The following DNAH11 variants were observed in gnomAD, a reference collection of about 807,000 sequenced individuals.
DNAH11 encodes the protein dynein axonemal heavy chain 11, also known as axonemal beta dynein heavy chain 11.
Under a neutral mutation model 526.0 loss-of-function variants are expected in DNAH11, and 442 were observed. That is an observed-to-expected ratio of 0.84 (90% CI 0.78 to 0.91). DNAH11 has a LOEUF of 0.91. DNAH11 is among the 40% of genes least tolerant of loss of function. The pLI, the probability that DNAH11 is intolerant of heterozygous loss-of-function variation, is 0.00. For missense variants in DNAH11, 6,989 were observed against 5,448.7 expected (o/e 1.28, Z -8.90); for synonymous variants, 2,461 against 1,935.9 (o/e 1.27, Z -7.12).
At chr7:21,855,658 TTG>T (rs1247016246) in intron 68 of DNAH11, among the ~76,000 whole-genome samples, 1 of 152,200 alleles carries the variant, frequency 6.6e-6, no homozygotes, top group Non-Finnish European at 1.5e-5. Context: ...GCTCCATACC[TTG>T]TACCATGCTG....
At chr7:21,899,280 G>A in intron 79 of DNAH11, 56 bp from the exon 80 acceptor site, 2 of 1,416,098 alleles carry the variant, frequency 1.4e-6, no homozygotes, top group Non-Finnish European at 2.0e-6. Context: ...AGAACATACT[G>A]GAAAATGGCT....
In DNAH11 at chr7:21,588,540, A is replaced by G. The variant is rs756297015; in HGVS notation, c.1877A>G (p.Lys626Arg). The change falls in exon 11 of 82, where the codon AAG (lysine) becomes AGG (arginine). Residue 626 changes from lysine (K) to arginine (R), a missense_variant. By Grantham distance (26) the Lys-to-Arg change is conservative (BLOSUM62 2). Coordinates refer to ENST00000409508, the MANE Select transcript of DNAH11 (RefSeq NM_001277115.2). ...GAATGTGGTCATGTAGTTCTTAACA[A>G]GAACATGCCATTTACCTCAGGAAAT... Reference protein sequence around the residue: ...QIECGHVVLNKNMPFTSGNMK... With the variant: ...QIECGHVVLNRNMPFTSGNMK... The G allele has an allele frequency of 6.2e-7, 1 of 1,613,820 alleles. No individual in the cohort carries two copies. Among genetic ancestry groups the G allele is most frequent in the Non-Finnish European group, 8.5e-7 (1 of 1,179,708 alleles).
At chr7:21,833,993 A>G (rs1781890850) in intron 65 of DNAH11, among the ~76,000 whole-genome samples, 1 of 152,220 alleles carries the variant, frequency 6.6e-6, no homozygotes, top group Non-Finnish European at 1.5e-5. Flanking sequence ...CACACTCTAG[A>G]CCAAATGGAC....
intron 81 of DNAH11, 134 bp from the exon 82 acceptor site, chr7:21,900,873 G>A (rs1583829271): frequency 7.0e-7 from 1 of 1,435,420 alleles, no homozygotes; most frequent in East Asian, 2.3e-5. Flanking sequence ...GGCCAGCTCA[G>A]TAAAAATACC....
chr7:21,712,009 T>C (rs970364415), intron 42 of DNAH11, 149 bp downstream of exon 42: 1 of 962,994 alleles, frequency 1.0e-6, no homozygotes, highest in Non-Finnish European at 1.5e-6. Flanking sequence ...AAAGTGACAC[T>C]CTTTATCCAT....
chr7:21,680,086 T>C (rs1298253751), intron 30 of DNAH11, among the ~76,000 whole-genome samples: 2 of 152,230 alleles, frequency 1.3e-5, no homozygotes, highest in Admixed American at 1.3e-4. Context: ...TACAGTTATC[T>C]CTTCCTCCCT....
intron 20 of DNAH11, among the ~76,000 whole-genome samples, chr7:21,609,024 C>G (rs571221957): frequency 3.9e-5 from 6 of 152,232 alleles, no homozygotes; most frequent in African/African-American, 1.4e-4. Flanking sequence ...GAAGGCATCT[C>G]AGTCCACAAG....
chr7:21,653,925 C>T (rs1781896549), intron 28 of DNAH11, among the ~76,000 whole-genome samples: 1 of 152,160 alleles, frequency 6.6e-6, no homozygotes, highest in African/African-American at 2.4e-5. Flanking sequence ...AAAATTTAGG[C>T]AGGTTGCTAT....
intron 8 of DNAH11, among the ~76,000 whole-genome samples, chr7:21,574,363 G>A (rs55653143): frequency 0.05 from 7,666 of 152,156 alleles, 645 homozygotes; most frequent in African/African-American, 0.17. Flanking sequence ...GATGCCAGGC[G>A]TTGTGCCAGA....
At chr7:21,885,433 G>C (rs952437470) in intron 76 of DNAH11, among the ~76,000 whole-genome samples, 4 of 151,842 alleles carry the variant, frequency 2.6e-5, no homozygotes, top group South Asian at 4.2e-4. Context: ...ATGGTGAATA[G>C]AACAGTGGTT....
chr7:21,643,879 A>G (rs575789602), intron 28 of DNAH11, among the ~76,000 whole-genome samples: 9 of 152,212 alleles, frequency 5.9e-5, no homozygotes, highest in Non-Finnish European at 1.2e-4. Context: ...GATATACTGG[A>G]TTAAATATAC....
chr7:21,563,922 C>G (rs1453750441), intron 5 of DNAH11, among the ~76,000 whole-genome samples: 1 of 152,068 alleles, frequency 6.6e-6, no homozygotes, highest in African/African-American at 2.4e-5. Flanking sequence ...GGTATTTTCC[C>G]CTTGGGTTTT....
intron 63 of DNAH11, among the ~76,000 whole-genome samples, chr7:21,810,683 C>T (rs1458609458): frequency 6.6e-6 from 1 of 152,042 alleles, no homozygotes; most frequent in Non-Finnish European, 1.5e-5. Flanking sequence ...CATCAGAATA[C>T]TCAAAGTCTA....
chr7:21,591,593 C>A lies in DNAH11; in HGVS notation c.2667+16C>A, dbSNP rs755769721. 1.3e-6 allele frequency: 2 copies of A among 1,508,978 alleles called. No homozygotes were observed. Among genetic ancestry groups the A allele is most frequent in the Non-Finnish European group, 1.8e-6 (2 of 1,128,820 alleles). The allele number at this position is 1,508,978 out of a possible 1,614,324, so 93.5% of individuals were successfully genotyped here. A position where few individuals can be genotyped will look rare whatever the true frequency, so the allele number is the denominator to read the frequency against. ...CTTGGTCGAGGTAATGGCTTTTAAC[C>A]TTTCAAGATTTATAGATCTTTTCAT... On this transcript the variant is annotated intron_variant, in intron 14 of 81. Coordinates refer to ENST00000409508, the MANE Select transcript of DNAH11 (RefSeq NM_001277115.2).
intron 75 of DNAH11, among the ~76,000 whole-genome samples, chr7:21,883,854 A>C (rs1411425220): frequency 2.0e-5 from 3 of 152,144 alleles, no homozygotes; most frequent in African/African-American, 7.2e-5. Flanking sequence ...CAACCTGGAC[A>C]CCATAGTGAG....
At chr7:21,603,895 C>T (rs2177519) in intron 18 of DNAH11, among the ~76,000 whole-genome samples, 26,433 of 152,072 alleles carry the variant, frequency 0.17, 2,738 homozygotes, top group East Asian at 0.49. Context: ...TTGGTTCACT[C>T]TTTCGGGTGA....
In DNAH11 at chr7:21,742,067, A is replaced by C. The variant is rs1264726204; in HGVS notation, c.8055A>C (p.Ala2685=). 6.2e-7 allele frequency: 1 copy of C among 1,613,868 alleles called. No individual in the cohort carries two copies. Among genetic ancestry groups the C allele is most frequent in the Non-Finnish European group, 8.5e-7 (1 of 1,179,874 alleles). Reference sequence around the variant, plus strand: ...GGAGTGGCCCCACTTTGATCCAGGCAACAATAGCATTCCATCAGACAATGA... The same window carrying C: ...GGAGTGGCCCCACTTTGATCCAGGCCACAATAGCATTCCATCAGACAATGA... ...ILRSGPTLIQ[A]TIAFHQTMMC... The change falls in exon 49 of 82, where the codon GCA becomes GCC. Residue 2685 remains alanine, a synonymous_variant. Transcript: ENST00000409508.
chr7:21,874,586 T>G (rs1395669306), intron 74 of DNAH11, among the ~76,000 whole-genome samples: 2 of 152,146 alleles, frequency 1.3e-5, no homozygotes, highest in South Asian at 2.1e-4. Flanking sequence ...TCTGTTCACC[T>G]TGGCCTCCCA....
intron 25 of DNAH11, among the ~76,000 whole-genome samples, chr7:21,629,079 T>A (rs929925307): frequency 6.6e-5 from 10 of 152,120 alleles, no homozygotes; most frequent in Admixed American, 3.9e-4. Flanking sequence ...TTTTACTGTA[T>A]CACATAGATT....
Sources: allele counts gnomAD v4.1 joint callset (sites outside exome capture counted in the v4.1 genomes callset), GRCh38; gene constraint gnomAD v4.1.1; transcripts MANE v1.5; gene names NCBI Gene and HGNC (gene_info 2026-07-23, HGNC 2026-07-21).